The following ZFR2 variants were observed in gnomAD, a reference collection of about 807,000 sequenced individuals.
ZFR2 encodes the protein zinc finger RNA-binding protein 2.
In ZFR2, 104 loss-of-function variants were observed where a neutral mutation model predicts 105.7. The ratio of observed to expected loss-of-function variants is 0.98; its 90% CI spans 0.84 to 1.16. The LOEUF is 1.16. Among genes scored for constraint, ZFR2 ranks in the 50% most tolerant of loss-of-function variants. ZFR2 has a pLI of 0.00. For synonymous variants in ZFR2, 634 were observed against 597.7 expected, an observed-to-expected ratio of 1.06 and a Z score of -0.89; for missense variants, 1,425 against 1,355.5, an observed-to-expected ratio of 1.05 and a Z score of -0.80.
Position 3,823,023 on chromosome 19 carries a change from C to G in ZFR2, c.1371+223G>C, listed in dbSNP as rs975076547. Among the ~76,000 whole-genome samples, 1 of 152,236 alleles carries G rather than the reference C, an allele frequency of 6.6e-6. No individual in the cohort carries two copies. Among genetic ancestry groups the G allele is most frequent in the Admixed American group, 6.5e-5 (1 of 15,284 alleles). ...GGAATGCCTCGGCCTGTCTCTGGCCCTCACGGGGCCATATTCATTTCCTGC... is the reference window on the plus strand; with the variant it reads ...GGAATGCCTCGGCCTGTCTCTGGCCGTCACGGGGCCATATTCATTTCCTGC... On this transcript the variant is annotated intron_variant, in intron 8 of 18. Coordinates refer to ENST00000262961, the MANE Select transcript of ZFR2 (RefSeq NM_015174.2). The surrounding 1 kb of genome is among the most constrained non-coding windows in gnomAD (Gnocchi z 5.4).
At chr19:3,854,130 C>A (rs1344978624) in intron 1 of ZFR2, among the ~76,000 whole-genome samples, 1 of 151,228 alleles carries the variant, frequency 6.6e-6, no homozygotes, top group Non-Finnish European at 1.5e-5. Context: ...GTGGCCTACG[C>A]CTGTAATCCC....
intron 2 of ZFR2, 118 bp from the exon 3 acceptor site, chr19:3,833,896 C>A (rs1452145490): frequency 2.5e-6 from 2 of 792,262 alleles, no homozygotes; most frequent in Non-Finnish European, 2.0e-6. Flanking sequence ...AGCGCTGGCT[C>A]CTAAGCGTCT....
Position 3,858,040 on chromosome 19 carries a change from T to C in ZFR2, c.53+10925A>G, listed in dbSNP as rs1568433635. On this transcript the variant is annotated intron_variant, in intron 1 of 18. Transcript: ENST00000262961. This position sits in a 1 kb window ranked among gnomAD's most constrained non-coding sequence, Gnocchi z 4.3. ...TGGCTTTTTGGTCGGAGAATTTGTT[T>C]TGGGAAGTCAAGCTTTTTCAGGTGC... Among the ~76,000 whole-genome samples, 1 of 152,186 alleles carries C rather than the reference T, an allele frequency of 6.6e-6. No homozygotes were observed. The highest frequency in any genetic ancestry group is 2.4e-5 in the African/African-American group (1 of 41,462).
chr19:3,858,258 G>A lies in ZFR2; in HGVS notation c.53+10707C>T, dbSNP rs892754027. Among the ~76,000 whole-genome samples, 7 of 152,184 alleles carry A rather than the reference G, an allele frequency of 4.6e-5. No homozygotes were observed. Among genetic ancestry groups the A allele is most frequent in the Non-Finnish European group, 1.0e-4 (7 of 68,032 alleles). On this transcript the variant is annotated intron_variant, in intron 1 of 18. Transcript: ENST00000262961. This position sits in a 1 kb window ranked among gnomAD's most constrained non-coding sequence, Gnocchi z 4.3. ...TTGCTTGCTCCGAAGAGACGGAGCA[G>A]GCTTAGGTGTGGTCCACACTTCAGA...
chr19:3,861,786 C>T (rs146107036), intron 1 of ZFR2, among the ~76,000 whole-genome samples: 1 of 152,106 alleles, frequency 6.6e-6, no homozygotes, highest in Admixed American at 6.6e-5. Context: ...ATTGGCTGGG[C>T]GTGGTGGTGC....
In ZFR2 at chr19:3,858,675, G is replaced by A. The variant is rs1274485280; in HGVS notation, c.53+10290C>T. ...TCTACTAAAAATACAAAAATCAACC[G>A]GGCATGGTGGTGCATGCCTGAAATC... On this transcript the variant is annotated intron_variant, in intron 1 of 18. Transcript: ENST00000262961. The surrounding 1 kb of genome is among the most constrained non-coding windows in gnomAD (Gnocchi z 4.3). Among the ~76,000 whole-genome samples, 10 of 152,126 alleles carry A rather than the reference G, an allele frequency of 6.6e-5. No individual in the cohort carries two copies. Among genetic ancestry groups the A allele is most frequent in the South Asian group, 2.1e-4 (1 of 4,828 alleles).
intron 9 of ZFR2, 56 bp downstream of exon 9, chr19:3,822,025 C>T (rs1256649469): frequency 6.5e-7 from 1 of 1,526,822 alleles, no homozygotes; most frequent in Non-Finnish European, 8.8e-7. Flanking sequence ...CTCCCAGCGC[C>T]CGCCGGGCCC....
At position 3,838,238 on chromosome 19, in the gene ZFR2, T is replaced by C. The variant is rs894474883; in HGVS notation, c.54-3255A>G. On this transcript the variant is annotated intron_variant, in intron 1 of 18. Coordinates refer to ENST00000262961, the MANE Select transcript of ZFR2 (RefSeq NM_015174.2). This position sits in a 1 kb window ranked among gnomAD's most constrained non-coding sequence, Gnocchi z 4.9. ...TCGATGAACACCGTGACTACTGACATTTGATGAACACTGTGACTATGGACA... is the reference window on the plus strand; with the variant it reads ...TCGATGAACACCGTGACTACTGACACTTGATGAACACTGTGACTATGGACA... Among the ~76,000 whole-genome samples, 1 of 152,108 alleles carries C rather than the reference T, an allele frequency of 6.6e-6. No individual in the cohort carries two copies. Among genetic ancestry groups the C allele is most frequent in the Non-Finnish European group, 1.5e-5 (1 of 68,012 alleles).
chr19:3,815,381 C>G (rs912173492), intron 13 of ZFR2, among the ~76,000 whole-genome samples: 1 of 152,196 alleles, frequency 6.6e-6, no homozygotes. Flanking sequence ...TGAGCCACCA[C>G]GCCAGGCCCG....
Position 3,834,817 on chromosome 19 carries a change from G to A in ZFR2, c.220C>T (p.Pro74Ser). The change falls in exon 2 of 19, where the codon CCC (proline) becomes TCC (serine). Residue 74 changes from proline to serine, a missense_variant. By Grantham distance (74) the Pro-to-Ser change is moderately conservative. Transcript: ENST00000262961. The surrounding 1 kb of genome is among the most constrained non-coding windows in gnomAD (Gnocchi z 5.3). ...GTGGCCGTGGGGACGGGCTCCTGGG[G>A]TCGGCTGCCGTAGGCGAAGTCCTGG... The part of the protein sequence containing the change: ...SGQDFAYGSR[P>S]QEPVPTATTM... 1 of 1,611,888 alleles carries A rather than the reference G, an allele frequency of 6.2e-7. No homozygotes were observed. Among genetic ancestry groups the A allele is most frequent in the Non-Finnish European group, 8.5e-7 (1 of 1,179,556 alleles).
intron 15 of ZFR2, among the ~76,000 whole-genome samples, 181 bp from the exon 16 acceptor site, chr19:3,811,026 G>A (rs2037757985): frequency 6.6e-6 from 1 of 152,200 alleles, no homozygotes; most frequent in South Asian, 2.1e-4. Context: ...GCTGTTGAGT[G>A]GCCACGAGAC....
At chr19:3,853,663 C>T (rs2038266453) in intron 1 of ZFR2, among the ~76,000 whole-genome samples, 1 of 149,122 alleles carries the variant, frequency 6.7e-6, no homozygotes, top group Non-Finnish European at 1.5e-5. Context: ...TTTGTGGGTG[C>T]CAGGCCCTGA....
chr19:3,805,943 G>A lies in ZFR2; in HGVS notation c.*6C>T. The A allele has an allele frequency of 6.5e-7, 1 of 1,526,738 alleles. No individual in the cohort carries two copies. Among genetic ancestry groups the A allele is most frequent in the Non-Finnish European group, 8.8e-7 (1 of 1,140,510 alleles). 94.6% of individuals were successfully genotyped at this position (1,526,738 alleles called of 1,614,324 possible). ...CAAAGGCCCGCAGGTGGGGGAGGTA[G>A]GCGGCTCACACGAGCCCCTCTCCGC... On this transcript the variant is annotated 3_prime_UTR_variant, in exon 19 of 19. Transcript: ENST00000262961.
At chr19:3,811,845 C>T (rs1049443768) in intron 14 of ZFR2, among the ~76,000 whole-genome samples, 5 of 152,084 alleles carry the variant, frequency 3.3e-5, no homozygotes, top group African/African-American at 7.2e-5. Context: ...ACTGCAACCT[C>T]GAACTCCTGG....
intron 1 of ZFR2, among the ~76,000 whole-genome samples, chr19:3,848,386 T>C (rs1290705382): frequency 6.6e-6 from 1 of 151,622 alleles, no homozygotes; most frequent in Admixed American, 6.6e-5. Flanking sequence ...CACTCCAGGC[T>C]GGGCAATAAG....
At chr19:3,830,127 C>CTGGGCAACATAG (rs758026431) in intron 5 of ZFR2, among the ~76,000 whole-genome samples, 1,901 of 147,638 alleles carry the variant, frequency 0.013, 67 homozygotes, top group Admixed American at 0.075. Flanking sequence ...TAGTGAGACC[C>CTGGGCAACATAG]TGTATCTACA....
chr19:3,829,437 G>C (rs1385606541), intron 5 of ZFR2, among the ~76,000 whole-genome samples: 1 of 152,002 alleles, frequency 6.6e-6, no homozygotes, highest in African/African-American at 2.4e-5. Context: ...AGGGATTATG[G>C]GGGACTATAG....
intron 12 of ZFR2, 130 bp from the exon 13 acceptor site, chr19:3,816,975 A>T: frequency 1.2e-6 from 1 of 838,154 alleles, no homozygotes; most frequent in South Asian, 1.8e-5. Context: ...CTCATCCATG[A>T]AATGGGACCA....
At chr19:3,806,565 C>T (rs891542094) in intron 18 of ZFR2, among the ~76,000 whole-genome samples, 2 of 152,214 alleles carry the variant, frequency 1.3e-5, no homozygotes, top group Non-Finnish European at 2.9e-5. Context: ...CGGCCGACAC[C>T]GCTTCTTACG....
Sources: allele counts gnomAD v4.1 joint callset (sites outside exome capture counted in the v4.1 genomes callset), GRCh38; gene constraint gnomAD v4.1.1; non-coding constraint Gnocchi (gnomAD v3.1); transcripts MANE v1.5; gene names NCBI Gene and HGNC (gene_info 2026-07-23, HGNC 2026-07-21).